Variants in GRB2 observed in about 807,000 individuals in gnomAD.
GRB2 encodes the protein growth factor receptor bound protein 2.
GRB2 carries 2 observed loss-of-function variants against 27.4 expected under a neutral mutation model. That is an observed-to-expected ratio of 0.07 (90% CI 0.03 to 0.23). The LOEUF is 0.23. Ranked by LOEUF, GRB2 falls within the 10% of genes least tolerant of loss-of-function variation. The probability of loss-of-function intolerance (pLI) is 1.00; values close to 1 mark genes in which losing one functional copy is unlikely to be tolerated. For missense variants in GRB2, 102 were observed against 282.4 expected, an observed-to-expected ratio of 0.36 and a Z score of 4.58; for synonymous variants, 94 against 99.6, an observed-to-expected ratio of 0.94 and a Z score of 0.33.
intron 1 of GRB2, among the ~76,000 whole-genome samples, chr17:75,401,362 G>A (rs2079062465): frequency 2.7e-5 from 4 of 149,630 alleles, no homozygotes; most frequent in South Asian, 2.1e-4. Context: ...GGAGAATGGC[G>A]TGAACCCGGG....
chr17:75,399,393 A>G lies in GRB2; in HGVS notation c.-137-5628T>C, dbSNP rs572101902. Among the ~76,000 whole-genome samples, 667 of 119,306 alleles carry G rather than the reference A, an allele frequency of 5.6e-3. 4 individuals are homozygous for G. Among genetic ancestry groups the G allele is most frequent in the African/African-American group, 0.021 (619 of 29,792 alleles). 78.3% of individuals were successfully genotyped at this position (119,306 alleles called of 152,430 possible). A position where few individuals can be genotyped will look rare whatever the true frequency, so the allele number is the denominator to read the frequency against. ...TTTTTTTTTTTTTTTTTTGAGATGG[A>G]GTCTCGCTTTGTCACCCAGGCTGGA... On this transcript the variant is annotated intron_variant, in intron 1 of 5. Transcript: ENST00000316804.
Position 75,320,691 on chromosome 17 carries a change from A to G in GRB2, c.469-138T>C. On this transcript the variant is annotated intron_variant, in intron 5 of 5. Transcript: ENST00000316804. The surrounding 1 kb of genome is among the most constrained non-coding windows in gnomAD (Gnocchi z 4.3). ...TCTTAAACTCACCTCCCATCTCCCA[A>G]CCCCCCGTTTATTCTTACCTATTCT... 1 of 635,154 alleles carries G rather than the reference A, an allele frequency of 1.6e-6. No individual in the cohort carries two copies. The highest frequency in any genetic ancestry group is 2.8e-6 in the Non-Finnish European group (1 of 356,158). 39.3% of individuals were successfully genotyped at this position (635,154 alleles called of 1,614,324 possible). A position where few individuals can be genotyped will look rare whatever the true frequency, so the allele number is the denominator to read the frequency against.
chr17:75,388,095 T>C (rs929817352), intron 2 of GRB2, among the ~76,000 whole-genome samples: 2 of 152,094 alleles, frequency 1.3e-5, no homozygotes, highest in African/African-American at 4.8e-5. Flanking sequence ...GCTCCCTTCC[T>C]TTTTTGTTTT....
At chr17:75,348,882 T>A (rs1169074357) in intron 2 of GRB2, among the ~76,000 whole-genome samples, 1 of 152,042 alleles carries the variant, frequency 6.6e-6, no homozygotes, top group Non-Finnish European at 1.5e-5. Flanking sequence ...TCCCATGTTG[T>A]CCAGGCTGGT....
chr17:75,334,110 A>G (rs751756275), intron 2 of GRB2, among the ~76,000 whole-genome samples: 12 of 152,008 alleles, frequency 7.9e-5, no homozygotes, highest in Non-Finnish European at 1.6e-4. Context: ...AGGACTCTAG[A>G]TATGCTATGC....
At chr17:75,345,081 TC>T (rs1435450256) in intron 2 of GRB2, among the ~76,000 whole-genome samples, 1 of 151,350 alleles carries the variant, frequency 6.6e-6, no homozygotes, top group Non-Finnish European at 1.5e-5. Flanking sequence ...TCTTGCTCTG[TC>T]CCCCAGGCTG....
rs2079094245 is a variant in GRB2, at chr17:75,405,493, G to A, written c.-142C>T. On this transcript the variant is annotated 5_prime_UTR_variant, in exon 1 of 6. Transcript: ENST00000316804. ...AGCGCAGCCTCCCGTACTCACCGTG[G>A]CGCAGCTGCTCCGCTCAGCGTCCGG... 6.5e-6 allele frequency: 1 copy of A among 153,314 alleles called. No homozygotes were observed. Among genetic ancestry groups the A allele is most frequent in the Non-Finnish European group, 1.5e-5 (1 of 68,334 alleles). 9.5% of individuals were successfully genotyped at this position (153,314 alleles called of 1,614,324 possible).
At chr17:75,353,128 T>C (rs1478061001) in intron 2 of GRB2, among the ~76,000 whole-genome samples, 1 of 146,268 alleles carries the variant, frequency 6.8e-6, no homozygotes, top group East Asian at 2.0e-4. Flanking sequence ...GAGCTTGCAG[T>C]GAGCCGAGAT....
chr17:75,405,133 C>G (rs929045587), intron 1 of GRB2: 1 of 152,396 alleles, frequency 6.6e-6, no homozygotes, highest in Non-Finnish European at 1.5e-5. Context: ...CCACACCAGT[C>G]CCCCGCCGCC....
In GRB2 at chr17:75,379,717, G is replaced by A. The variant is rs543971597; in HGVS notation, c.78+13834C>T. On this transcript the variant is annotated intron_variant, in intron 2 of 5. Coordinates refer to ENST00000316804, the MANE Select transcript of GRB2 (RefSeq NM_002086.5). ...TCACTTGATTTCTTAATGCATGATA[G>A]ATAGCTAAAAACCCACTATTAATTT... Among the ~76,000 whole-genome samples, 9 of 152,248 alleles carry A rather than the reference G, an allele frequency of 5.9e-5. No individual in the cohort carries two copies. In the South Asian group the frequency reaches 1.7e-3, roughly 28 times the overall value.
intron 2 of GRB2, among the ~76,000 whole-genome samples, chr17:75,389,920 T>C (rs916104744): frequency 2.6e-5 from 4 of 152,192 alleles, no homozygotes; most frequent in Non-Finnish European, 4.4e-5. Flanking sequence ...ATATACCATC[T>C]TGTACTGTTT....
At chr17:75,393,196 T>G (rs1034008336) in intron 2 of GRB2, among the ~76,000 whole-genome samples, 1 of 152,180 alleles carries the variant, frequency 6.6e-6, no homozygotes, top group Admixed American at 6.5e-5. Flanking sequence ...ATACTTCAGG[T>G]CTGGGTCTTT....
At chr17:75,326,573 C>G (rs2078500151) in intron 3 of GRB2, among the ~76,000 whole-genome samples, 1 of 152,220 alleles carries the variant, frequency 6.6e-6, no homozygotes, top group South Asian at 2.1e-4. Context: ...TAACTAAGGT[C>G]AGCATTCCTC....
intron 1 of GRB2, among the ~76,000 whole-genome samples, chr17:75,397,469 T>A (rs1009235795): frequency 2.0e-5 from 3 of 152,234 alleles, no homozygotes; most frequent in African/African-American, 7.2e-5. Flanking sequence ...GCTTTAATCA[T>A]TCATTTCAAA....
chr17:75,376,875 T>C (rs1228198102), intron 2 of GRB2, among the ~76,000 whole-genome samples: 1 of 151,200 alleles, frequency 6.6e-6, no homozygotes, highest in African/African-American at 2.4e-5. Flanking sequence ...CAAAAACTAG[T>C]TGGGCATGGT....
At chr17:75,335,702 A>G (rs953104409) in intron 2 of GRB2, among the ~76,000 whole-genome samples, 3 of 152,182 alleles carry the variant, frequency 2.0e-5, no homozygotes, top group African/African-American at 7.2e-5. Flanking sequence ...TATGTGTAGC[A>G]AACTCTCAAA....
intron 2 of GRB2, among the ~76,000 whole-genome samples, chr17:75,389,753 G>A (rs189272579): frequency 2.3e-3 from 352 of 152,274 alleles, no homozygotes; most frequent in African/African-American, 7.8e-3. Flanking sequence ...GCTGAGGCAG[G>A]AGAATGGCGT....
chr17:75,321,964 C>T, intron 4 of GRB2, 137 bp from the exon 5 acceptor site: 2 of 753,424 alleles, frequency 2.7e-6, no homozygotes, highest in South Asian at 1.7e-5. Context: ...AACAAGTTTC[C>T]TCACTGGGTG....
chr17:75,352,628 T>A (rs1163102031), intron 2 of GRB2, among the ~76,000 whole-genome samples: 6 of 152,190 alleles, frequency 3.9e-5, no homozygotes, highest in Admixed American at 3.9e-4. Flanking sequence ...AGAAAAGCGA[T>A]CAGACATATT....
Sources: gnomAD v4.1 joint callset for allele counts (sites outside exome capture counted in the v4.1 genomes callset) on GRCh38, gnomAD v4.1.1 for gene constraint, Gnocchi (gnomAD v3.1) non-coding constraint, MANE v1.5 for transcripts, NCBI Gene and HGNC (gene_info 2026-07-23, HGNC 2026-07-21) for gene names.